Variants in CKM observed in about 807,000 individuals in gnomAD.
The protein encoded by CKM is creatine kinase M-type.
In CKM, 28 loss-of-function variants were observed where a neutral mutation model predicts 35.4. The observed-to-expected ratio is 0.79, with a 90% CI of 0.59 to 1.08. CKM has a LOEUF of 1.08. Among genes scored for constraint, CKM ranks in the 50% least tolerant of loss-of-function variants. The pLI is 0.00. For missense variants in CKM, 484 were observed against 509.8 expected, an observed-to-expected ratio of 0.95 and a Z score of 0.49; for synonymous variants, 215 against 204.4, an observed-to-expected ratio of 1.05 and a Z score of -0.44.
Position 45,306,710 on chromosome 19 carries a change from C to T in CKM, c.*40G>A. ...GACTCTGGTGGGCCAGGCCCTCCCA[C>T]TGGCTGGGTTCCAGCAGTCGGTGGC... On this transcript the variant is annotated 3_prime_UTR_variant, in exon 8 of 8. Transcript: ENST00000221476. The surrounding 1 kb of genome is among the most constrained non-coding windows in gnomAD (Gnocchi z 4.5). 1 of 1,611,446 alleles carries T rather than the reference C, an allele frequency of 6.2e-7. No individual in the cohort carries two copies. Among genetic ancestry groups the T allele is most frequent in the South Asian group, 1.1e-5 (1 of 91,050 alleles).
intron 4 of CKM, among the ~76,000 whole-genome samples, chr19:45,313,270 T>C (rs1971126936): frequency 6.6e-6 from 1 of 152,164 alleles, no homozygotes; most frequent in Admixed American, 6.6e-5. Context: ...TCATTATTAC[T>C]ATATCTGTCA....
Position 45,306,424 on chromosome 19 carries a change from A to T in CKM, c.*326T>A. On this transcript the variant is annotated 3_prime_UTR_variant, in exon 8 of 8. Transcript: ENST00000221476. This position sits in a 1 kb window ranked among gnomAD's most constrained non-coding sequence, Gnocchi z 4.5. ...CTATCGCACAAAGCTAAGGCCACCA[A>T]TGCTTTTATTTATCGCTTTGCGTGG... 2.4e-6 allele frequency: 1 copy of T among 409,780 alleles called. No individual in the cohort carries two copies. The highest frequency in any genetic ancestry group is 4.6e-6 in the Non-Finnish European group (1 of 219,028). The allele number at this position is 409,780 out of a possible 1,614,324, so 25.4% of individuals were successfully genotyped here. A position where few individuals can be genotyped will look rare whatever the true frequency, so the allele number is the denominator to read the frequency against.
chr19:45,307,425 C>T, intron 7 of CKM, 36 bp downstream of exon 7: 2 of 1,604,426 alleles, frequency 1.2e-6, no homozygotes, highest in Non-Finnish European at 1.7e-6. Context: ...CCCTCGCTCC[C>T]CCTCCGTCGT....
rs1036197970 is a variant in CKM at position 45,306,453 on chromosome 19, C to G, written c.*297G>C. The G allele has an allele frequency of 2.1e-6, 1 of 482,022 alleles. No individual in the cohort carries two copies. Among genetic ancestry groups the G allele is most frequent in the Admixed American group, 3.3e-5 (1 of 30,246 alleles). 29.9% of individuals were successfully genotyped at this position (482,022 alleles called of 1,614,324 possible). A position where few individuals can be genotyped will look rare whatever the true frequency, so the allele number is the denominator to read the frequency against. Reference sequence around the variant, plus strand: ...TTTTATTTATCGCTTTGCGTGGAGACAAAGCACAAGCTCCGAGTGTGCTGG... The same window carrying G: ...TTTTATTTATCGCTTTGCGTGGAGAGAAAGCACAAGCTCCGAGTGTGCTGG... On this transcript the variant is annotated 3_prime_UTR_variant, in exon 8 of 8. Coordinates refer to ENST00000221476, the MANE Select transcript of CKM (RefSeq NM_001824.5). This position sits in a 1 kb window ranked among gnomAD's most constrained non-coding sequence, Gnocchi z 4.5.
chr19:45,307,599 G>C lies in CKM; in HGVS notation c.829C>G (p.Leu277Val), dbSNP rs1295246439. 1.2e-6 allele frequency: 2 copies of C among 1,614,166 alleles called. No individual in the cohort carries two copies. The highest frequency in any genetic ancestry group is 1.7e-6 in the Non-Finnish European group (2 of 1,180,028). Reference sequence around the variant, plus strand: ...GATGGGCAGGTGAGCACGTAGCCCAGGTGCTGGTTCCACATGAAGGGGTGG... The same window carrying C: ...GATGGGCAGGTGAGCACGTAGCCCACGTGCTGGTTCCACATGAAGGGGTGG... ...AGHPFMWNQHLGYVLTCPSNL... is the reference protein window; with the variant it reads ...AGHPFMWNQHVGYVLTCPSNL... Residue 277 changes from leucine (L) to valine (V), a missense_variant, in exon 7 of 8, where the codon CTG becomes GTG. Leu to Val is a conservative substitution (Grantham distance 32). Transcript: ENST00000221476.
At position 45,317,868 on chromosome 19, in the gene CKM, G is replaced by A; in HGVS notation, c.305C>T (p.Pro102Leu). The A allele has an allele frequency of 6.2e-7, 1 of 1,613,976 alleles. No homozygotes were observed. ...GAGGTCAGTCTTGTGCTTGTCAGTG[G>A]GTTTGTAGCCCCCGTGGCGATCCGA... ...IISDRHGGYK[P>L]TDKHKTDLNH... is the part of the protein sequence containing the mutation. Residue 102 changes from proline to leucine, a missense_variant, in exon 3 of 8, where the codon CCC becomes CTC. By Grantham distance (98) the Pro-to-Leu change is moderately conservative. Transcript: ENST00000221476.
intron 2 of CKM, 137 bp from the exon 3 acceptor site, chr19:45,318,116 G>A: frequency 1.5e-6 from 1 of 686,320 alleles, no homozygotes; most frequent in Non-Finnish European, 2.5e-6. Flanking sequence ...TGGGAATTGA[G>A]AATCATAAGG....
intron 3 of CKM, 120 bp from the exon 4 acceptor site, chr19:45,315,717 C>A: frequency 7.4e-7 from 1 of 1,356,432 alleles, no homozygotes; most frequent in Non-Finnish European, 1.0e-6. Context: ...TGCATCCTCA[C>A]TGATTGGGTG....
In CKM at chr19:45,311,901, G is replaced by C. The variant is rs150802782; in HGVS notation, c.501C>G (p.Gly167=). 66 of 1,613,858 alleles carry C rather than the reference G, an allele frequency of 4.1e-5. No individual in the cohort carries two copies. The African/African-American group carries it at 7.1e-4, about 17-fold the overall frequency. The change falls in exon 5 of 8, where the codon GGC becomes GGG. Residue 167 remains glycine (G), a synonymous_variant. Transcript: ENST00000221476. Reference sequence around the variant, plus strand: ...GAGGGTAGTACTTCCCTTTGAACTCGCCCGTCAGGCTGTTGAGAGCTATGG... The same window carrying C: ...GAGGGTAGTACTTCCCTTTGAACTCCCCCGTCAGGCTGTTGAGAGCTATGG... ...LSVEALNSLT[G]EFKGKYYPLK...
chr19:45,314,652 G>T (rs2123139187), intron 4 of CKM, among the ~76,000 whole-genome samples: 1 of 152,204 alleles, frequency 6.6e-6, no homozygotes, highest in Middle Eastern at 3.4e-3. Context: ...GACCTCAAAT[G>T]ATCCACCTGC....
chr19:45,316,739 G>GTC (rs1438274358), intron 3 of CKM, among the ~76,000 whole-genome samples: 1 of 151,296 alleles, frequency 6.6e-6, no homozygotes, highest in Non-Finnish European at 1.5e-5. Context: ...GCTCCCTTCT[G>GTC]TCTCCCTCTG....
chr19:45,313,950 C>T (rs73041002), intron 4 of CKM, among the ~76,000 whole-genome samples: 9,043 of 152,032 alleles, frequency 0.059, 408 homozygotes, highest in Non-Finnish European at 0.084. Flanking sequence ...CACTTAAGCC[C>T]AGGAGTTGGA....
chr19:45,322,844 G>A lies in CKM; in HGVS notation c.-42C>T. 4 of 986,118 alleles carry A rather than the reference G, an allele frequency of 4.1e-6. No individual in the cohort carries two copies. Among genetic ancestry groups the A allele is most frequent in the Non-Finnish European group, 4.8e-6 (4 of 830,534 alleles). The allele number at this position is 986,118 out of a possible 1,614,324, so 61.1% of individuals were successfully genotyped here. A position where few individuals can be genotyped will look rare whatever the true frequency, so the allele number is the denominator to read the frequency against. ...ACCTGGCTGGGCTGGGCTGAAGGGG[G>A]GCTGTCTGTATCCTGGAGGTGACAC... On this transcript the variant is annotated 5_prime_UTR_variant, in exon 1 of 8. Transcript: ENST00000221476.
intron 6 of CKM, 96 bp downstream of exon 6, chr19:45,308,313 G>T: frequency 6.7e-7 from 1 of 1,486,548 alleles, no homozygotes; most frequent in Non-Finnish European, 9.3e-7. Flanking sequence ...AAATGGGTGG[G>T]GCAGGGCTTA....
rs17875616 is a variant in CKM at position 45,311,775 on chromosome 19, G to T, written c.627C>A (p.Arg209=). 0.066 allele frequency: 105,565 copies of T among 1,598,124 alleles called. 3,963 individuals are homozygous for T. The highest frequency in any genetic ancestry group is 0.12 in the Middle Eastern group (712 of 6,040). The change falls in exon 5 of 8, where the codon CGC becomes CGA. Residue 209 remains arginine, a synonymous_variant. Coordinates refer to ENST00000221476, the MANE Select transcript of CKM (RefSeq NM_001824.5). ...SPLLLASGMA[R]DWPDARGIWH... is the part of the protein sequence containing the mutation. ...AGATGCCACGGGCGTCGGGCCAGTC[G>T]CGGGCCATGCCTGAGGCCAGCAGCA...
At chr19:45,308,586 AT>A in intron 5 of CKM, 54 bp from the exon 6 acceptor site, 1 of 1,593,340 alleles carries the variant, frequency 6.3e-7, no homozygotes, top group Middle Eastern at 1.7e-4. Context: ...TGGGAACCCC[AT>A]TCCCAGCCCT....
chr19:45,308,596 C>G lies in CKM; in HGVS notation c.654-64G>C, dbSNP rs572362407. 54 of 1,609,536 alleles carry G rather than the reference C, an allele frequency of 3.4e-5. No homozygotes were observed. In the African/African-American group the frequency reaches 7.1e-4, roughly 21 times the overall value. ...CCCCGTGGGAACCCCATTCCCAGCC[C>G]TCCCCCAAAACATCTGCCCACCGAT... On this transcript the variant is annotated intron_variant, in intron 5 of 7. Coordinates refer to ENST00000221476, the MANE Select transcript of CKM (RefSeq NM_001824.5).
intron 4 of CKM, among the ~76,000 whole-genome samples, chr19:45,314,744 C>T (rs1971141162): frequency 6.6e-6 from 1 of 151,596 alleles, no homozygotes; most frequent in Admixed American, 6.6e-5. Context: ...CAGGTTCTCA[C>T]TCTGTCACCC....
chr19:45,310,394 A>C (rs1422370852), intron 5 of CKM, among the ~76,000 whole-genome samples: 1 of 152,182 alleles, frequency 6.6e-6, no homozygotes, highest in Non-Finnish European at 1.5e-5. Flanking sequence ...TGCTGGGATT[A>C]CAGGCGTGAG....
Sources: allele counts gnomAD v4.1 joint callset (sites outside exome capture counted in the v4.1 genomes callset), GRCh38; gene constraint gnomAD v4.1.1; non-coding constraint Gnocchi (gnomAD v3.1); transcripts MANE v1.5; gene names NCBI Gene and HGNC (gene_info 2026-07-23, HGNC 2026-07-21).